Variants in CLDN16 observed in about 807,000 individuals in gnomAD.
CLDN16 encodes the protein claudin-16.
Under a neutral mutation model 24.6 loss-of-function variants are expected in CLDN16, and 13 were observed. The observed-to-expected ratio is 0.53, with a 90% CI of 0.34 to 0.84. The LOEUF is 0.84. CLDN16 is among the 40% of genes least tolerant of loss of function. The pLI is 0.01. For missense variants in CLDN16, 298 were observed against 292.7 expected (o/e 1.02, Z -0.13); for synonymous variants, 116 against 106.7 (o/e 1.09, Z -0.54).
intron 3 of CLDN16, among the ~76,000 whole-genome samples, chr3:190,405,828 T>A (rs1719083425): frequency 6.6e-6 from 1 of 152,176 alleles, no homozygotes; most frequent in Non-Finnish European, 1.5e-5. Flanking sequence ...GCACTTTAAG[T>A]AGTATTTATT....
At position 190,338,557 on chromosome 3, in the gene CLDN16, C is replaced by T. The variant is rs531841819; in HGVS notation, n.121+15896C>T. The stretch of plus-strand genomic sequence containing the variant: ...GCGTGGTAACTAGGGAATCAAGGCT[C>T]TCAGGGATGAGTGTCTGAGACATCC... On this transcript the variant is annotated intron_variant and non_coding_transcript_variant, in intron 1 of 4. Transcript: ENST00000468220. Among the ~76,000 whole-genome samples, 4 of 152,286 alleles carry T rather than the reference C, an allele frequency of 2.6e-5. No homozygotes were observed. The South Asian group carries it at 8.3e-4, about 32-fold the overall frequency.
intron 3 of CLDN16, among the ~76,000 whole-genome samples, chr3:190,379,629 C>T (rs1211178186): frequency 6.6e-6 from 1 of 152,124 alleles, no homozygotes; most frequent in Non-Finnish European, 1.5e-5. Context: ...GATACATTCA[C>T]TGTACTTGGT....
the CLDN16 span, among the ~76,000 whole-genome samples, chr3:190,301,849 C>T: frequency 3.9e-5 from 6 of 152,234 alleles, no homozygotes; most frequent in Admixed American, 2.6e-4. Flanking sequence ...TATCTACTTA[C>T]GGTCTATTTT....
Position 190,411,623 on chromosome 3 carries a change from A to G in CLDN16, c.*1587A>G, listed in dbSNP as rs1215543100. On this transcript the variant is annotated 3_prime_UTR_variant, in exon 5 of 5. Coordinates refer to ENST00000264734, the MANE Select transcript of CLDN16 (RefSeq NM_006580.4). ...GAAATAAGTGTTTCAAATTTAAAGA[A>G]CAAAGAATGATGTGAAAATGAGATT... 6.6e-6 allele frequency: 1 copy of G among 152,198 alleles called. No individual in the cohort carries two copies. The highest frequency in any genetic ancestry group is 1.5e-5 in the Non-Finnish European group (1 of 68,014). The allele number at this position is 152,198 out of a possible 1,614,324, so 9.4% of individuals were successfully genotyped here.
At chr3:190,317,708 G>A (rs1423526915), upstream of CLDN16, among the ~76,000 whole-genome samples, 1 of 152,150 alleles carries the variant, frequency 6.6e-6, no homozygotes, top group African/African-American at 2.4e-5. Context: ...AACTAAATCT[G>A]CACATGCTCA....
intron 4 of CLDN16, 33 bp downstream of exon 4, chr3:190,408,538 C>T (rs1420602219): frequency 6.3e-7 from 1 of 1,584,028 alleles, no homozygotes; most frequent in South Asian, 1.1e-5. Flanking sequence ...AATTTCCTTG[C>T]CTCCACTATC....
intron 1 of CLDN16, among the ~76,000 whole-genome samples, chr3:190,332,000 T>A (rs938003550): frequency 6.6e-6 from 1 of 152,164 alleles, no homozygotes; most frequent in Non-Finnish European, 1.5e-5. Context: ...TCTGGTTCAC[T>A]CTCTTTACCT....
intron 1 of CLDN16, among the ~76,000 whole-genome samples, chr3:190,323,838 G>A (rs1297652699): frequency 6.6e-6 from 1 of 152,194 alleles, no homozygotes; most frequent in Admixed American, 6.5e-5. Context: ...AAGCAATGAA[G>A]AATGTAAGAC....
chr3:190,332,197 A>G (rs556577696), intron 1 of CLDN16, among the ~76,000 whole-genome samples: 30 of 152,320 alleles, frequency 2.0e-4, no homozygotes, highest in African/African-American at 6.3e-4. Flanking sequence ...TATTCTACCT[A>G]CCATCATGAG....
the CLDN16 span, among the ~76,000 whole-genome samples, chr3:190,299,579 T>C: frequency 6.6e-6 from 1 of 152,156 alleles, no homozygotes; most frequent in African/African-American, 2.4e-5. Context: ...CTTTAACCTA[T>C]GTAAAAGTAA....
At chr3:190,322,288 G>A, upstream of CLDN16, 1 of 1,246,360 alleles carries the variant, frequency 8.0e-7, no homozygotes, top group South Asian at 1.2e-5. Context: ...CCGGACTCCC[G>A]AAGGTGGCTG....
chr3:190,398,213 C>T (rs1374198856), intron 1 of CLDN16, among the ~76,000 whole-genome samples: 1 of 152,156 alleles, frequency 6.6e-6, no homozygotes, highest in Non-Finnish European at 1.5e-5. Flanking sequence ...TACTAATTTC[C>T]TATAGTTGCC....
Position 190,410,065 on chromosome 3 carries a change from T to C in CLDN16, c.*29T>C. ...GCACGTTTCAGGGTGTGTTTGCATA[T>C]GATTTAATCAATCAGTATGGTTACA... On this transcript the variant is annotated 3_prime_UTR_variant, in exon 5 of 5. Transcript: ENST00000264734. The C allele has an allele frequency of 6.2e-7, 1 of 1,613,146 alleles. No homozygotes were observed. Among genetic ancestry groups the C allele is most frequent in the Non-Finnish European group, 8.5e-7 (1 of 1,179,082 alleles).
chr3:190,372,463 T>C (rs894872145), intron 2 of CLDN16, among the ~76,000 whole-genome samples: 1 of 151,560 alleles, frequency 6.6e-6, no homozygotes, highest in Non-Finnish European at 1.5e-5. Context: ...GGAAACATGT[T>C]GAGACCCCCT....
chr3:190,343,764 T>A (rs1283448252), intron 1 of CLDN16, among the ~76,000 whole-genome samples: 1 of 151,108 alleles, frequency 6.6e-6, no homozygotes, highest in Non-Finnish European at 1.5e-5. Context: ...GGCAGGGGAG[T>A]CAAATCAATA....
upstream of CLDN16, among the ~76,000 whole-genome samples, chr3:190,318,355 G>A (rs541266986): frequency 1.3e-5 from 2 of 152,254 alleles, no homozygotes; most frequent in African/African-American, 4.8e-5. Context: ...CCTAAGCTAT[G>A]TGACTTGCCT....
chr3:190,297,418 A>G, the CLDN16 span, among the ~76,000 whole-genome samples: 1 of 147,568 alleles, frequency 6.8e-6, no homozygotes, highest in African/African-American at 2.5e-5. Flanking sequence ...CATTTTACAT[A>G]TATATATATA....
chr3:190,301,625 A>C, the CLDN16 span, among the ~76,000 whole-genome samples: 5,396 of 152,192 alleles, frequency 0.035, 313 homozygotes, highest in African/African-American at 0.12. Flanking sequence ...CCATCCTATG[A>C]ATTTCTTAGG....
chr3:190,375,759 T>C (rs529255663), intron 3 of CLDN16, among the ~76,000 whole-genome samples: 4 of 152,018 alleles, frequency 2.6e-5, no homozygotes, highest in African/African-American at 7.2e-5. Context: ...TCACAGGTTT[T>C]CCATTTTTAG....
Sources: gnomAD v4.1 joint callset for allele counts (sites outside exome capture counted in the v4.1 genomes callset) on GRCh38, gnomAD v4.1.1 for gene constraint, MANE v1.5 for transcripts, NCBI Gene and HGNC (gene_info 2026-07-23, HGNC 2026-07-21) for gene names.